Variants in MYH11 observed in about 807,000 individuals in gnomAD.
The protein encoded by MYH11 is myosin-11.
In MYH11, 80 loss-of-function variants were observed where a neutral mutation model predicts 246.6. The ratio of observed to expected loss-of-function variants is 0.32; its 90% CI spans 0.27 to 0.39. The LOEUF (loss-of-function observed/expected upper bound fraction) is 0.39, where lower values mean the gene tolerates loss of function less well. Ranked by LOEUF, MYH11 falls within the 10% of genes least tolerant of loss-of-function variation. The pLI is 1.00. For missense variants in MYH11, 2,158 were observed against 2,546.8 expected, an observed-to-expected ratio of 0.85 and a Z score of 3.29; for synonymous variants, 1,071 against 1,015.5, an observed-to-expected ratio of 1.05 and a Z score of -1.04.
Position 15,720,141 on chromosome 16 carries a change from T to C in MYH11, c.4953+10A>G. On this transcript the variant is annotated intron_variant, in intron 34 of 40. Coordinates refer to ENST00000300036, the MANE Select transcript of MYH11 (RefSeq NM_002474.3). ...CTCCACCCATGCCCCAAGCTCCTAG[T>C]GTCACCCACCTGCAGTTTGCGTAGC... 1 of 1,614,122 alleles carries C rather than the reference T, an allele frequency of 6.2e-7. No individual in the cohort carries two copies. Among genetic ancestry groups the C allele is most frequent in the Non-Finnish European group, 8.5e-7 (1 of 1,180,022 alleles).
chr16:15,833,886 G>C (rs1393428811), intron 2 of MYH11, among the ~76,000 whole-genome samples: 2 of 152,240 alleles, frequency 1.3e-5, no homozygotes, highest in Admixed American at 1.3e-4. Context: ...CGTCATGGAC[G>C]ACGGTTTCTA....
At chr16:15,812,455 A>T (rs1205981003) in intron 3 of MYH11, among the ~76,000 whole-genome samples, 6 of 143,248 alleles carry the variant, frequency 4.2e-5, no homozygotes, top group African/African-American at 1.6e-4. Context: ...GGTGGCTCAT[A>T]CCCATAATCC....
At chr16:15,743,751 C>T (rs1039139464) in intron 20 of MYH11, among the ~76,000 whole-genome samples, 1 of 152,196 alleles carries the variant, frequency 6.6e-6, no homozygotes, top group Non-Finnish European at 1.5e-5. Flanking sequence ...TGTGTGTTCA[C>T]AGCTGCACCC....
chr16:15,808,560 C>A (rs116382896), intron 3 of MYH11, among the ~76,000 whole-genome samples: 1,676 of 152,254 alleles, frequency 0.011, 37 homozygotes, highest in African/African-American at 0.038. Flanking sequence ...TTGCTGCAAC[C>A]CAACAGGTGT....
chr16:15,774,899 A>T (rs999676219), intron 8 of MYH11, among the ~76,000 whole-genome samples: 3 of 152,184 alleles, frequency 2.0e-5, no homozygotes, highest in African/African-American at 7.2e-5. Context: ...TGGAAATTTA[A>T]ATAATGGATA....
chr16:15,765,943 GT>G (rs1243495943), intron 9 of MYH11, among the ~76,000 whole-genome samples: 1 of 152,182 alleles, frequency 6.6e-6, no homozygotes, highest in Non-Finnish European at 1.5e-5. Flanking sequence ...CCAACTCAGG[GT>G]TTCTCAATCT....
At chr16:15,768,494 G>A (rs960908855) in intron 9 of MYH11, among the ~76,000 whole-genome samples, 15 of 152,132 alleles carry the variant, frequency 9.9e-5, no homozygotes, top group Non-Finnish European at 1.9e-4. Flanking sequence ...TTTGGAAGTA[G>A]CTCTTGGTTT....
At chr16:15,739,655 G>C (rs1208686509) in intron 23 of MYH11, among the ~76,000 whole-genome samples, 1 of 152,124 alleles carries the variant, frequency 6.6e-6, no homozygotes. Flanking sequence ...TTTTCTAAGG[G>C]CTTTTCTGCT....
intron 31 of MYH11, 152 bp downstream of exon 31, chr16:15,724,009 T>C: frequency 1.5e-6 from 2 of 1,337,348 alleles, no homozygotes; most frequent in Non-Finnish European, 2.1e-6. Flanking sequence ...TGCTCCATGG[T>C]CGCCCAAGAC....
chr16:15,768,923 ATTGT>A (rs2042039254), intron 9 of MYH11, among the ~76,000 whole-genome samples: 1 of 152,092 alleles, frequency 6.6e-6, no homozygotes, highest in African/African-American at 2.4e-5. Flanking sequence ...AGGTGGGCTG[ATTGT>A]TTGAGCCCAG....
chr16:15,757,517 A>T (rs2041758049), intron 13 of MYH11, among the ~76,000 whole-genome samples: 1 of 149,218 alleles, frequency 6.7e-6, no homozygotes, highest in African/African-American at 2.4e-5. Flanking sequence ...ATAAAAAAAA[A>T]AAAAAAAAAA....
At chr16:15,774,016 G>A (rs2042165375) in intron 8 of MYH11, among the ~76,000 whole-genome samples, 1 of 152,058 alleles carries the variant, frequency 6.6e-6, no homozygotes, top group Non-Finnish European at 1.5e-5. Flanking sequence ...TAATTAGGAT[G>A]GATTCGGTTA....
At chr16:15,720,415 T>C in intron 33 of MYH11, 103 bp from the exon 34 acceptor site, 2 of 1,454,908 alleles carry the variant, frequency 1.4e-6, no homozygotes, top group Non-Finnish European at 1.9e-6. Flanking sequence ...CACAGCCCCC[T>C]TGTGAGGTGG....
chr16:15,779,008 A>G (rs1255837545), intron 6 of MYH11, 165 bp from the exon 7 acceptor site: 8 of 723,804 alleles, frequency 1.1e-5, no homozygotes, highest in Non-Finnish European at 2.0e-5. Context: ...CGGAACCAAC[A>G]TCTGCTGAGC....
intron 3 of MYH11, among the ~76,000 whole-genome samples, chr16:15,820,330 C>G (rs938482944): frequency 6.6e-6 from 1 of 151,922 alleles, no homozygotes; most frequent in Non-Finnish European, 1.5e-5. Flanking sequence ...CAAAATTAGC[C>G]GGGTGTGGTG....
chr16:15,773,540 C>T (rs2042154277), intron 8 of MYH11, among the ~76,000 whole-genome samples: 1 of 152,102 alleles, frequency 6.6e-6, no homozygotes, highest in African/African-American at 2.4e-5. Context: ...CCCGCCTCAG[C>T]CTCCCAAAGT....
At position 15,814,553 on chromosome 16, in the gene MYH11, CAAAAAAAAAAAA is replaced by C. The variant is rs58806731; in HGVS notation, c.502+8690_502+8701del. 2.9e-3 allele frequency among the ~76,000 whole-genome samples: 66 copies of C among 22,820 alleles called. 1 individual carries two copies. The East Asian group carries it at 0.13, about 43-fold the overall frequency. 15.0% of individuals were successfully genotyped at this position (22,820 alleles called of 152,430 possible). On this transcript the variant is annotated intron_variant, in intron 3 of 40. Transcript: ENST00000300036. ...GGACAACGAGAGTGAAACTCCATCT[CAAAAAAAAAAAA>C]AAAAAAAAAAAAAAAAAAAGGTACC...
At chr16:15,770,295 A>G (rs1467194397) in intron 9 of MYH11, among the ~76,000 whole-genome samples, 1 of 152,156 alleles carries the variant, frequency 6.6e-6, no homozygotes, top group Non-Finnish European at 1.5e-5. Context: ...CCCCTTATGC[A>G]GCATTTCAGC....
rs779481499 is a variant in MYH11 at position 15,703,886 on chromosome 16, C to T, written c.*105G>A. ...GAATGGATTTAGACAATGCTAAGTACAGTCTGCTGGGTTTTGCTTTGTTCT... is the reference window on the plus strand; with the variant it reads ...GAATGGATTTAGACAATGCTAAGTATAGTCTGCTGGGTTTTGCTTTGTTCT... On this transcript the variant is annotated 3_prime_UTR_variant, in exon 41 of 41. Coordinates refer to ENST00000300036, the MANE Select transcript of MYH11 (RefSeq NM_002474.3). The T allele has an allele frequency of 8.3e-6, 12 of 1,438,088 alleles. No homozygotes were observed. Among genetic ancestry groups the T allele is most frequent in the East Asian group, 4.5e-5 (2 of 43,966 alleles). 89.1% of individuals were successfully genotyped at this position (1,438,088 alleles called of 1,614,324 possible).
Sources: gnomAD v4.1 joint callset for allele counts (sites outside exome capture counted in the v4.1 genomes callset) on GRCh38, gnomAD v4.1.1 for gene constraint, MANE v1.5 for transcripts, NCBI Gene and HGNC (gene_info 2026-07-23, HGNC 2026-07-21) for gene names.